XKR6: variants seen among roughly 807,000 people sequenced by gnomAD.
XKR6 encodes XK related 6.
XKR6 carries 22 observed loss-of-function variants against 56.7 expected under a neutral mutation model. The observed-to-expected ratio is 0.39, with a 90% CI of 0.28 to 0.55. XKR6 has a LOEUF of 0.55. Among genes scored for constraint, XKR6 ranks in the 20% least tolerant of loss-of-function variants. The probability of loss-of-function intolerance (pLI) is 0.66; values close to 1 mark genes in which losing one functional copy is unlikely to be tolerated. For synonymous variants in XKR6, 524 were observed against 387.8 expected, an observed-to-expected ratio of 1.35 and a Z score of -4.13; for missense variants, 852 against 889.0, an observed-to-expected ratio of 0.96 and a Z score of 0.53.
chr8:11,041,409 A>G (rs1462989968), intron 1 of XKR6, among the ~76,000 whole-genome samples: 1 of 152,032 alleles, frequency 6.6e-6, no homozygotes, highest in African/African-American at 2.4e-5. Flanking sequence ...TACAAAAACT[A>G]GCTGGGCGTG....
intron 1 of XKR6, among the ~76,000 whole-genome samples, chr8:10,961,990 A>G (rs147092042): frequency 2.8e-4 from 42 of 152,332 alleles, no homozygotes; most frequent in African/African-American, 9.9e-4. Context: ...AGTAAAAGCT[A>G]TCCCTTTTAT....
chr8:11,149,780 A>G (rs1430361882), intron 1 of XKR6, among the ~76,000 whole-genome samples: 2 of 152,236 alleles, frequency 1.3e-5, no homozygotes, highest in Admixed American at 1.3e-4. Context: ...CGGCACATCA[A>G]AAAGAAATCT....
At chr8:11,017,548 C>A (rs1345782858) in intron 1 of XKR6, among the ~76,000 whole-genome samples, 3 of 152,266 alleles carry the variant, frequency 2.0e-5, no homozygotes, top group African/African-American at 7.2e-5. Flanking sequence ...GAGCCTGTTG[C>A]AGCTGCCTGT....
intron 1 of XKR6, among the ~76,000 whole-genome samples, chr8:10,954,290 A>G (rs1801810800): frequency 6.6e-6 from 1 of 152,242 alleles, no homozygotes; most frequent in Admixed American, 6.5e-5. Flanking sequence ...AAACAATGCA[A>G]TGAGCGTTCC....
intron 1 of XKR6, chr8:11,124,631 G>C (rs1586579686): frequency 1.3e-5 from 2 of 153,462 alleles, no homozygotes; most frequent in East Asian, 1.9e-4. Flanking sequence ...GAAGAAAAGA[G>C]AGTTTAAAAC....
intron 1 of XKR6, among the ~76,000 whole-genome samples, chr8:11,116,551 A>C (rs1180168216): frequency 6.6e-6 from 1 of 152,042 alleles, no homozygotes; most frequent in African/African-American, 2.4e-5. Context: ...TTGCATTTTT[A>C]GTAGAGACGG....
At chr8:11,157,532 T>C (rs990735998) in intron 1 of XKR6, among the ~76,000 whole-genome samples, 2 of 152,002 alleles carry the variant, frequency 1.3e-5, no homozygotes, top group African/African-American at 4.8e-5. Flanking sequence ...GTATGATTTT[T>C]AGAGATGCAG....
chr8:11,131,726 C>A (rs1230582076), intron 1 of XKR6, among the ~76,000 whole-genome samples: 1 of 152,100 alleles, frequency 6.6e-6, no homozygotes, highest in Non-Finnish European at 1.5e-5. Flanking sequence ...ATTATTTATA[C>A]CATATTTTTA....
chr8:11,051,059 G>A (rs2129159716), intron 1 of XKR6, among the ~76,000 whole-genome samples: 1 of 152,174 alleles, frequency 6.6e-6, no homozygotes, highest in South Asian at 2.1e-4. Context: ...TCTCATTCTT[G>A]CCAAAAAGTC....
intron 1 of XKR6, among the ~76,000 whole-genome samples, chr8:11,038,994 C>T (rs1799217283): frequency 6.6e-6 from 1 of 152,212 alleles, no homozygotes; most frequent in Non-Finnish European, 1.5e-5. Context: ...ACGCCACCCC[C>T]AGCTGCAGGG....
At chr8:10,937,650 A>G (rs1490325958) in intron 1 of XKR6, among the ~76,000 whole-genome samples, 44 of 144,796 alleles carry the variant, frequency 3.0e-4, no homozygotes, top group East Asian at 5.9e-4. Context: ...GTCTGTTGGA[A>G]TACCCTGCCG....
At chr8:11,083,919 G>C (rs1474727225) in intron 1 of XKR6, among the ~76,000 whole-genome samples, 1 of 151,392 alleles carries the variant, frequency 6.6e-6, no homozygotes, top group Non-Finnish European at 1.5e-5. Flanking sequence ...TAAGTTTGCT[G>C]TTTCGTTAAA....
At chr8:11,097,605 C>G (rs1282507970) in intron 1 of XKR6, among the ~76,000 whole-genome samples, 1 of 151,576 alleles carries the variant, frequency 6.6e-6, no homozygotes, top group Non-Finnish European at 1.5e-5. Flanking sequence ...GTCAGGAGTT[C>G]AAGACTAGCC....
chr8:10,965,513 A>G (rs1441908157), intron 1 of XKR6, among the ~76,000 whole-genome samples: 1 of 152,232 alleles, frequency 6.6e-6, no homozygotes, highest in East Asian at 1.9e-4. Context: ...GAGGAACACA[A>G]GAACATTCTC....
intron 1 of XKR6, among the ~76,000 whole-genome samples, chr8:11,032,679 C>A (rs1298832090): frequency 6.6e-6 from 1 of 152,158 alleles, no homozygotes; most frequent in Non-Finnish European, 1.5e-5. Context: ...CTCACTCCAA[C>A]AGCAGGATGG....
intron 1 of XKR6, among the ~76,000 whole-genome samples, chr8:11,077,259 G>A (rs891664991): frequency 1.3e-5 from 2 of 152,172 alleles, no homozygotes; most frequent in Non-Finnish European, 2.9e-5. Flanking sequence ...GGGGTCCAAA[G>A]CCTCAGCGTG....
intron 1 of XKR6, among the ~76,000 whole-genome samples, chr8:11,119,882 T>C (rs1020211710): frequency 2.6e-5 from 4 of 152,158 alleles, no homozygotes; most frequent in African/African-American, 9.7e-5. Context: ...TGGTTCAACA[T>C]ACGAAAATCA....
Position 11,200,762 on chromosome 8 carries a change from A to C in XKR6, c.578T>G (p.Leu193Arg), listed in dbSNP as rs756407457. 1 of 1,599,290 alleles carries C rather than the reference A, an allele frequency of 6.3e-7. No homozygotes were observed. The highest frequency in any genetic ancestry group is 1.7e-5 in the Admixed American group (1 of 58,654). The change falls in exon 1 of 3, where the codon CTG becomes CGG. Residue 193 changes from leucine (L) to arginine (R), a missense_variant. By Grantham distance (102) the Leu-to-Arg change is moderately radical. Transcript: ENST00000416569. This position sits in a 1 kb window ranked among gnomAD's most constrained non-coding sequence, Gnocchi z 6.4. ...GCTGGTGAGCCCCTCCACGGCGCCC[A>C]GCCCGCCGCCCGTGTAGTCCTGCAC... is the stretch of plus-strand genomic sequence containing the variant. ...WFVQDYTGGG[L>R]GAVEGLTSRG...
intron 1 of XKR6, among the ~76,000 whole-genome samples, chr8:10,960,647 G>A (rs1802034146): frequency 6.6e-6 from 1 of 152,234 alleles, no homozygotes. Context: ...AGGAAACTGA[G>A]GCTTTGGGAC....
Sources: gnomAD v4.1 joint callset for allele counts (sites outside exome capture counted in the v4.1 genomes callset) on GRCh38, gnomAD v4.1.1 for gene constraint, Gnocchi (gnomAD v3.1) non-coding constraint, MANE v1.5 for transcripts, NCBI Gene and HGNC (gene_info 2026-07-23, HGNC 2026-07-21) for gene names.